The following HIBADH variants were observed in gnomAD, a reference collection of about 807,000 sequenced individuals.
The protein encoded by HIBADH is 3-hydroxyisobutyrate dehydrogenase, also known as 3-hydroxyisobutyrate dehydrogenase, mitochondrial.
Under a neutral mutation model 36.1 loss-of-function variants are expected in HIBADH, and 25 were observed. That is an observed-to-expected ratio of 0.69 (90% CI 0.50 to 0.97). HIBADH has a LOEUF of 0.97. Among genes scored for constraint, HIBADH ranks in the 50% least tolerant of loss-of-function variants. The pLI is 0.00. For synonymous variants in HIBADH, 160 were observed against 149.5 expected, an observed-to-expected ratio of 1.07 and a Z score of -0.51; for missense variants, 421 against 418.0, an observed-to-expected ratio of 1.01 and a Z score of -0.06.
intron 4 of HIBADH, among the ~76,000 whole-genome samples, chr7:27,546,349 G>C (rs1010663533): frequency 2.0e-5 from 3 of 152,038 alleles, no homozygotes; most frequent in East Asian, 3.9e-4. Context: ...AAACTCCTGG[G>C]CTCAAGCAAT....
rs1200978244 is a variant in HIBADH, at chr7:27,662,687, G to A, written c.91+11C>T. ...AAGAAGGACAAGGGGGAGGAGGCGTGAGGTCCTTACCCGCTGCAAAGCTGC... is the reference window on the plus strand; with the variant it reads ...AAGAAGGACAAGGGGGAGGAGGCGTAAGGTCCTTACCCGCTGCAAAGCTGC... On this transcript the variant is annotated intron_variant, in intron 1 of 7. Transcript: ENST00000265395. 2 of 1,309,746 alleles carry A rather than the reference G, an allele frequency of 1.5e-6. No individual in the cohort carries two copies. The highest frequency in any genetic ancestry group is 1.5e-5 in the African/African-American group (1 of 64,752). 81.1% of individuals were successfully genotyped at this position (1,309,746 alleles called of 1,614,324 possible). A position where few individuals can be genotyped will look rare whatever the true frequency, so the allele number is the denominator to read the frequency against.
chr7:27,587,093 A>G (rs1427519648), intron 4 of HIBADH, among the ~76,000 whole-genome samples: 3 of 152,180 alleles, frequency 2.0e-5, no homozygotes, highest in Non-Finnish European at 4.4e-5. Context: ...CAATTACTCA[A>G]GTGTGCCCTA....
At chr7:27,591,733 C>G (rs995458229) in intron 4 of HIBADH, among the ~76,000 whole-genome samples, 1 of 152,182 alleles carries the variant, frequency 6.6e-6, no homozygotes, top group Non-Finnish European at 1.5e-5. Flanking sequence ...AATCTGTCCC[C>G]TTGAAACTTA....
intron 1 of HIBADH, among the ~76,000 whole-genome samples, chr7:27,659,534 G>A (rs1402325411): frequency 6.6e-6 from 1 of 151,760 alleles, no homozygotes; most frequent in Non-Finnish European, 1.5e-5. Flanking sequence ...GGGCAACATG[G>A]TGAGACCCCA....
At chr7:27,574,051 C>A (rs1487134079) in intron 4 of HIBADH, among the ~76,000 whole-genome samples, 1 of 152,060 alleles carries the variant, frequency 6.6e-6, no homozygotes, top group Non-Finnish European at 1.5e-5. Flanking sequence ...TTGTAATATA[C>A]TATAGAGGAC....
intron 4 of HIBADH, among the ~76,000 whole-genome samples, chr7:27,579,532 C>G (rs1277259265): frequency 6.6e-6 from 1 of 152,154 alleles, no homozygotes; most frequent in East Asian, 1.9e-4. Context: ...TTTTGATTTA[C>G]AAAAACAGAT....
At chr7:27,618,660 T>C (rs1785478202) in intron 4 of HIBADH, among the ~76,000 whole-genome samples, 1 of 150,954 alleles carries the variant, frequency 6.6e-6, no homozygotes, top group Non-Finnish European at 1.5e-5. Flanking sequence ...TGCATTGCTA[T>C]AAAGAAATAC....
At chr7:27,609,458 C>A (rs998565284) in intron 4 of HIBADH, among the ~76,000 whole-genome samples, 4 of 152,076 alleles carry the variant, frequency 2.6e-5, no homozygotes, top group Non-Finnish European at 4.4e-5. Flanking sequence ...TAGAAAATCC[C>A]AGGCTAAAGA....
intron 4 of HIBADH, among the ~76,000 whole-genome samples, chr7:27,594,061 A>T (rs1306778685): frequency 6.7e-6 from 1 of 149,346 alleles, no homozygotes; most frequent in Non-Finnish European, 1.5e-5. Context: ...AATAAATAAA[A>T]TAATACCAGC....
rs550086033 is a variant in HIBADH, at chr7:27,564,857, GTAAT to G, written c.485-21761_485-21758del. On this transcript the variant is annotated intron_variant, in intron 4 of 7. Coordinates refer to ENST00000265395, the MANE Select transcript of HIBADH (RefSeq NM_152740.4). ...TTCTGCACATTTAGATTTATAGCAA[GTAAT>G]TTAGTTTTTGAAACAAATGTAAATA... Among the ~76,000 whole-genome samples, 806 of 152,238 alleles carry G rather than the reference GTAAT, an allele frequency of 5.3e-3. 5 individuals carry two copies. Among genetic ancestry groups the G allele is most frequent in the Non-Finnish European group, 7.8e-3 (533 of 68,004 alleles).
chr7:27,549,525 T>A (rs543169683), intron 4 of HIBADH, among the ~76,000 whole-genome samples: 5 of 152,190 alleles, frequency 3.3e-5, no homozygotes. Context: ...AAACTCTATT[T>A]GAGAGCAAGC....
At chr7:27,534,658 A>C (rs1334812435) in intron 6 of HIBADH, among the ~76,000 whole-genome samples, 1 of 152,136 alleles carries the variant, frequency 6.6e-6, no homozygotes, top group Non-Finnish European at 1.5e-5. Flanking sequence ...ATGAGTAAAC[A>C]AACCATTTCC....
intron 4 of HIBADH, among the ~76,000 whole-genome samples, chr7:27,579,504 C>T (rs963939128): frequency 2.6e-5 from 4 of 152,100 alleles, no homozygotes; most frequent in African/African-American, 7.2e-5. Flanking sequence ...GTCCCAAATA[C>T]CAATGAAGGT....
intron 4 of HIBADH, among the ~76,000 whole-genome samples, chr7:27,581,785 G>A (rs1443610503): frequency 6.6e-6 from 1 of 151,184 alleles, no homozygotes; most frequent in Non-Finnish European, 1.5e-5. Context: ...CCACCATACA[G>A]AATATCATTT....
chr7:27,639,462 G>A (rs1785920367), intron 2 of HIBADH, among the ~76,000 whole-genome samples: 2 of 152,162 alleles, frequency 1.3e-5, no homozygotes, highest in African/African-American at 4.8e-5. Flanking sequence ...GACAGAGGGT[G>A]AGGATCAAAA....
intron 5 of HIBADH, among the ~76,000 whole-genome samples, chr7:27,541,403 A>G (rs555139295): frequency 3.2e-4 from 48 of 152,236 alleles, no homozygotes; most frequent in African/African-American, 1.0e-3. Flanking sequence ...TTTTTCTTGA[A>G]TCATATTAGA....
chr7:27,627,874 A>G (rs1785677254), intron 4 of HIBADH, among the ~76,000 whole-genome samples: 1 of 152,182 alleles, frequency 6.6e-6, no homozygotes, highest in African/African-American at 2.4e-5. Flanking sequence ...TGATAAGAAC[A>G]AAAGAGTAAT....
rs762685685 is a variant in HIBADH at position 27,645,368 on chromosome 7, A to ATTTTTTTT, written c.252+4097_252+4104dup. ...CTAGTGGGTGTGTCTCATGGTTTTG[A>ATTTTTTTT]TTTTTTTTTTTTTTTTTTTTTTTTT... On this transcript the variant is annotated intron_variant, in intron 2 of 7. Transcript: ENST00000265395. Among the ~76,000 whole-genome samples, 30 of 59,638 alleles carry ATTTTTTTT rather than the reference A, an allele frequency of 5.0e-4. 6 individuals carry two copies. Among genetic ancestry groups the ATTTTTTTT allele is most frequent in the African/African-American group, 8.8e-4 (14 of 15,850 alleles). 39.1% of individuals were successfully genotyped at this position (59,638 alleles called of 152,430 possible).
Position 27,632,388 on chromosome 7 carries a change from G to C in HIBADH, c.310C>G (p.Pro104Ala). ...EKADRIITML[P>A]TSINAIEAYS... ...GCTTCTATTGCATTGATACTGGTGG[G>C]CAGCATTGTAATAATTCTGTCAGCT... The change falls in exon 3 of 8, where the codon CCC (proline) becomes GCC (alanine). Residue 104 changes from proline (P) to alanine (A), a missense_variant. Coordinates refer to ENST00000265395, the MANE Select transcript of HIBADH (RefSeq NM_152740.4). 6.2e-7 allele frequency: 1 copy of C among 1,613,474 alleles called. No individual in the cohort carries two copies. Among genetic ancestry groups the C allele is most frequent in the Non-Finnish European group, 8.5e-7 (1 of 1,179,638 alleles).
Sources: gnomAD v4.1 joint callset for allele counts (sites outside exome capture counted in the v4.1 genomes callset) on GRCh38, gnomAD v4.1.1 for gene constraint, MANE v1.5 for transcripts, NCBI Gene and HGNC (gene_info 2026-07-23, HGNC 2026-07-21) for gene names.